Variants in ARIH1 observed in about 807,000 individuals in gnomAD.
The protein encoded by ARIH1 is ariadne RBR E3 ubiquitin protein ligase 1.
ARIH1 carries 8 observed loss-of-function variants against 85.0 expected under a neutral mutation model. That is an observed-to-expected ratio of 0.09 (90% CI 0.06 to 0.17). ARIH1 has a LOEUF of 0.17. ARIH1 is among the 10% of genes least tolerant of loss of function. The pLI is 1.00. For synonymous variants in ARIH1, 238 were observed against 253.6 expected, an observed-to-expected ratio of 0.94 and a Z score of 0.59; for missense variants, 311 against 718.1, an observed-to-expected ratio of 0.43 and a Z score of 6.48.
At chr15:72,494,335 C>T (rs1233185210) in intron 1 of ARIH1, among the ~76,000 whole-genome samples, 1 of 152,124 alleles carries the variant, frequency 6.6e-6, no homozygotes, top group Non-Finnish European at 1.5e-5. Context: ...TAATGCTCTT[C>T]TCTGGGAGGA....
intron 1 of ARIH1, among the ~76,000 whole-genome samples, chr15:72,494,627 CTT>C (rs2063872514): frequency 6.6e-6 from 1 of 152,026 alleles, no homozygotes; most frequent in East Asian, 1.9e-4. Context: ...CAACTTTAAA[CTT>C]TTAAATTAAT....
chr15:72,534,078 A>C (rs750649394), intron 2 of ARIH1, among the ~76,000 whole-genome samples: 11 of 152,224 alleles, frequency 7.2e-5, no homozygotes, highest in Non-Finnish European at 1.0e-4. Flanking sequence ...AAGCCACAGC[A>C]TAGATAAATC....
At chr15:72,568,032 C>T (rs186059700) in intron 9 of ARIH1, among the ~76,000 whole-genome samples, 1 of 152,282 alleles carries the variant, frequency 6.6e-6, no homozygotes, top group Admixed American at 6.5e-5. Context: ...ATCTTACATA[C>T]TTATATATAA....
At chr15:72,479,486 G>A (rs926974955) in intron 1 of ARIH1, among the ~76,000 whole-genome samples, 1 of 151,638 alleles carries the variant, frequency 6.6e-6, no homozygotes, top group African/African-American at 2.4e-5. Context: ...TTGGCTCAGT[G>A]CAACCTCTGC....
At chr15:72,579,634 GT>G (rs1217518643) in intron 11 of ARIH1, among the ~76,000 whole-genome samples, 1 of 152,136 alleles carries the variant, frequency 6.6e-6, no homozygotes, top group Non-Finnish European at 1.5e-5. Context: ...TGAATTTTTA[GT>G]TTCTTAAATT....
chr15:72,554,091 A>G lies in ARIH1; in HGVS notation c.589-1180A>G, dbSNP rs114271779. Reference sequence around the variant, plus strand: ...GGCTGAATAATATTTTATTTATGGAAATATGGAAAAATATTTTTTTCTTCA... The same window carrying G: ...GGCTGAATAATATTTTATTTATGGAGATATGGAAAAATATTTTTTTCTTCA... On this transcript the variant is annotated intron_variant, in intron 3 of 13. Coordinates refer to ENST00000379887, the MANE Select transcript of ARIH1 (RefSeq NM_005744.5). 4.9e-3 allele frequency among the ~76,000 whole-genome samples: 743 copies of G among 152,316 alleles called. 9 individuals carry two copies. Among genetic ancestry groups the G allele is most frequent in the African/African-American group, 0.017 (711 of 41,566 alleles).
intron 5 of ARIH1, among the ~76,000 whole-genome samples, chr15:72,557,763 T>C (rs190138754): frequency 6.6e-6 from 1 of 152,306 alleles, no homozygotes; most frequent in East Asian, 1.9e-4. Flanking sequence ...TTCTTCTGCA[T>C]GTGGCTAGCT....
intron 3 of ARIH1, among the ~76,000 whole-genome samples, chr15:72,551,351 A>T (rs1333745669): frequency 6.6e-6 from 1 of 152,236 alleles, no homozygotes; most frequent in Non-Finnish European, 1.5e-5. Flanking sequence ...GTCCTGCTAG[A>T]TACAAGAGTA....
At chr15:72,479,004 A>C (rs567287836) in intron 1 of ARIH1, among the ~76,000 whole-genome samples, 1 of 151,654 alleles carries the variant, frequency 6.6e-6, no homozygotes, top group African/African-American at 2.4e-5. Context: ...CTCCTAGCTA[A>C]TTTTTTTTCT....
chr15:72,576,505 CAAAAAAAAA>C (rs35725065), intron 11 of ARIH1, among the ~76,000 whole-genome samples: 1 of 63,276 alleles, frequency 1.6e-5, no homozygotes, highest in African/African-American at 7.7e-5. Flanking sequence ...GACTCTGTCT[CAAAAAAAAA>C]AAAAAAAAAA....
intron 5 of ARIH1, among the ~76,000 whole-genome samples, chr15:72,559,589 T>C (rs1377014580): frequency 6.6e-6 from 1 of 152,188 alleles, no homozygotes; most frequent in East Asian, 1.9e-4. Flanking sequence ...TATTTTTAAG[T>C]ATATTATCCA....
intron 1 of ARIH1, among the ~76,000 whole-genome samples, chr15:72,500,354 A>G (rs1017909596): frequency 6.6e-6 from 1 of 152,050 alleles, no homozygotes. Context: ...CGGCCTCCCA[A>G]AGTGCTGGGA....
Position 72,583,301 on chromosome 15 carries a change from C to T in ARIH1, c.*9C>T, listed in dbSNP as rs1417865171. On this transcript the variant is annotated 3_prime_UTR_variant, in exon 14 of 14. Coordinates refer to ENST00000379887, the MANE Select transcript of ARIH1 (RefSeq NM_005744.5). ...AGTACATTGAGGACTGAGAATGGCCCTGCATAAAATGAACTCTGAAAACTT... is the reference window on the plus strand; with the variant it reads ...AGTACATTGAGGACTGAGAATGGCCTTGCATAAAATGAACTCTGAAAACTT... 1 of 1,606,370 alleles carries T rather than the reference C, an allele frequency of 6.2e-7. No individual in the cohort carries two copies. Among genetic ancestry groups the T allele is most frequent in the South Asian group, 1.1e-5 (1 of 90,244 alleles).
chr15:72,544,773 A>G, intron 2 of ARIH1, 47 bp from the exon 3 acceptor site: 3 of 1,551,568 alleles, frequency 1.9e-6, no homozygotes, highest in Non-Finnish European at 2.6e-6. Flanking sequence ...GAGCTCTAAC[A>G]GTGTGCAAGT....
rs973240856 is a variant in ARIH1, at chr15:72,485,526, A to AT, written c.375+10523dup. On this transcript the variant is annotated intron_variant, in intron 1 of 13. Transcript: ENST00000379887. ...ATCTCAATACAGTGTTTGCCTATTG[A>AT]TTTTTTTTTTTAATGGAAAGAAAAT... 9.6e-4 allele frequency among the ~76,000 whole-genome samples: 142 copies of AT among 147,354 alleles called. 1 individual carries two copies. The highest frequency in any genetic ancestry group is 2.7e-3 in the African/African-American group (107 of 40,374).
At chr15:72,509,894 C>T (rs1595856689) in intron 1 of ARIH1, among the ~76,000 whole-genome samples, 1 of 152,014 alleles carries the variant, frequency 6.6e-6, no homozygotes, top group East Asian at 1.9e-4. Context: ...CCACTCCAGC[C>T]CCACCTTTTT....
chr15:72,491,914 C>T (rs2063861027), intron 1 of ARIH1, among the ~76,000 whole-genome samples: 1 of 152,044 alleles, frequency 6.6e-6, no homozygotes, highest in Admixed American at 6.6e-5. Flanking sequence ...TTCTGTTTGC[C>T]TCTGCGGAAC....
At chr15:72,562,839 G>A (rs1423692281) in intron 6 of ARIH1, among the ~76,000 whole-genome samples, 1 of 148,980 alleles carries the variant, frequency 6.7e-6, no homozygotes, top group Non-Finnish European at 1.5e-5. Context: ...TTTGAAGATA[G>A]AACAAGAGGT....
chr15:72,509,057 C>G (rs1032706725), intron 1 of ARIH1, among the ~76,000 whole-genome samples: 3 of 148,274 alleles, frequency 2.0e-5, no homozygotes, highest in East Asian at 2.0e-4. Flanking sequence ...GTGGCCTGAT[C>G]TCAGCTCACT....
Sources: gnomAD v4.1 joint callset for allele counts (sites outside exome capture counted in the v4.1 genomes callset) on GRCh38, gnomAD v4.1.1 for gene constraint, MANE v1.5 for transcripts, NCBI Gene and HGNC (gene_info 2026-07-23, HGNC 2026-07-21) for gene names.